RAI14: variants seen among roughly 807,000 people sequenced by gnomAD.
The protein encoded by RAI14 is ankycorbin.
RAI14 carries 45 observed loss-of-function variants against 115.4 expected under a neutral mutation model. That is an observed-to-expected ratio of 0.39 (90% CI 0.31 to 0.50). The LOEUF is 0.50. RAI14 is among the 20% of genes least tolerant of loss of function. The pLI is 0.85. For missense variants in RAI14, 939 were observed against 1,131.2 expected (o/e 0.83, Z 2.44); for synonymous variants, 371 against 415.4 (o/e 0.89, Z 1.30).
At position 34,813,638 on chromosome 5, in the gene RAI14, C is replaced by G; in HGVS notation, c.830C>G (p.Pro277Arg). The G allele has an allele frequency of 5.0e-6, 8 of 1,612,498 alleles. No homozygotes were observed. Among genetic ancestry groups the G allele is most frequent in the Non-Finnish European group, 6.8e-6 (8 of 1,178,680 alleles). ...ACTCCAAAAAAACGCAAAGCTCCAC[C>G]ACCTCCTATCAGTCCTACCCAGGTA... ...SGTPKKRKAP[P>R]PPISPTQLSD... is the part of the protein sequence containing the mutation. Residue 277 changes from proline (P) to arginine (R), a missense_variant, in exon 11 of 18, where the codon CCA becomes CGA. Physicochemically the swap from Pro to Arg is moderately radical, Grantham distance 103. Coordinates refer to ENST00000265109, the MANE Select transcript of RAI14 (RefSeq NM_015577.3).
chr5:34,808,010 A>G (rs1053689846), intron 6 of RAI14, among the ~76,000 whole-genome samples, 153 bp downstream of exon 6: 1 of 152,216 alleles, frequency 6.6e-6, no homozygotes, highest in Non-Finnish European at 1.5e-5. Flanking sequence ...TGTAAAACAT[A>G]CACAGTTTTA....
At chr5:34,687,510 A>C (rs1321628732) in intron 2 of RAI14, 2 of 1,339,684 alleles carry the variant, frequency 1.5e-6, no homozygotes, top group African/African-American at 1.5e-5. Context: ...GATTGGAGGA[A>C]GCAGTTATGA....
chr5:34,661,582 T>C (rs1489271011), intron 1 of RAI14, among the ~76,000 whole-genome samples: 2 of 152,210 alleles, frequency 1.3e-5, no homozygotes, highest in African/African-American at 4.8e-5. Flanking sequence ...TAAATCTATG[T>C]GATTTATCCT....
chr5:34,740,698 G>T (rs191263395), intron 2 of RAI14, among the ~76,000 whole-genome samples: 2 of 152,310 alleles, frequency 1.3e-5, no homozygotes, highest in Admixed American at 1.3e-4. Flanking sequence ...GCCCAGACCA[G>T]ACTGATACTG....
At chr5:34,705,104 A>G (rs1463733509) in intron 2 of RAI14, among the ~76,000 whole-genome samples, 3 of 152,080 alleles carry the variant, frequency 2.0e-5, no homozygotes, top group African/African-American at 7.2e-5. Context: ...AATTTTATTT[A>G]TTTTCATAAA....
intron 1 of RAI14, among the ~76,000 whole-genome samples, chr5:34,681,551 G>A (rs904907723): frequency 2.6e-5 from 4 of 152,136 alleles, no homozygotes; most frequent in Non-Finnish European, 5.9e-5. Context: ...CTGAAGTGCA[G>A]TAGCATGATC....
chr5:34,826,622 C>A lies in RAI14; in HGVS notation c.2799+143C>A, dbSNP rs1001864064. 4 of 1,136,858 alleles carry A rather than the reference C, an allele frequency of 3.5e-6. No individual in the cohort carries two copies. The African/African-American group carries it at 6.3e-5, about 18-fold the overall frequency. The allele number at this position is 1,136,858 out of a possible 1,614,324, so 70.4% of individuals were successfully genotyped here. A position where few individuals can be genotyped will look rare whatever the true frequency, so the allele number is the denominator to read the frequency against. On this transcript the variant is annotated intron_variant, in intron 16 of 17. Transcript: ENST00000265109. Reference sequence around the variant, plus strand: ...ACTTCAATGAGCAGTTGACTGATTTCTTCAGTGAGGGCAAAAGAGGGAGCC... The same window carrying A: ...ACTTCAATGAGCAGTTGACTGATTTATTCAGTGAGGGCAAAAGAGGGAGCC...
chr5:34,787,938 C>T (rs140523909), intron 3 of RAI14, among the ~76,000 whole-genome samples: 1,401 of 26,808 alleles, frequency 0.052, 47 homozygotes, highest in African/African-American at 0.12. Context: ...TTTTTTGAGA[C>T]AGGGTCTCAC....
chr5:34,745,470 G>C (rs1746040688), intron 2 of RAI14, among the ~76,000 whole-genome samples: 1 of 152,068 alleles, frequency 6.6e-6, no homozygotes, highest in Non-Finnish European at 1.5e-5. Flanking sequence ...TCACATCAAT[G>C]ACCCATCCAA....
intron 1 of RAI14, chr5:34,684,456 G>A (rs1011647627): frequency 3.3e-5 from 5 of 152,328 alleles, no homozygotes; most frequent in African/African-American, 1.2e-4. Context: ...GTGACTAAAT[G>A]CTTGGCAGTT....
At chr5:34,719,098 C>T (rs1437617657) in intron 2 of RAI14, among the ~76,000 whole-genome samples, 4 of 152,306 alleles carry the variant, frequency 2.6e-5, no homozygotes, top group Admixed American at 2.6e-4. Context: ...ACAACAGGGA[C>T]AGCTCGTCTC....
At chr5:34,709,055 A>G (rs977048393) in intron 2 of RAI14, among the ~76,000 whole-genome samples, 1 of 150,930 alleles carries the variant, frequency 6.6e-6, no homozygotes, top group African/African-American at 2.4e-5. Flanking sequence ...GCTTGAGCCC[A>G]GGAATTTGAG....
intron 1 of RAI14, among the ~76,000 whole-genome samples, chr5:34,684,100 T>TG (rs1046845561): frequency 1.8e-4 from 28 of 152,246 alleles, no homozygotes; most frequent in Admixed American, 1.4e-3. Flanking sequence ...CAGCGACAGT[T>TG]GGGGAATATC....
chr5:34,660,633 A>G lies in RAI14; in HGVS notation c.-49+4158A>G, dbSNP rs565964301. Among the ~76,000 whole-genome samples the G allele has an allele frequency of 3.9e-5, 6 of 152,302 alleles. No individual in the cohort carries two copies. The East Asian group carries it at 1.2e-3, about 29-fold the overall frequency. On this transcript the variant is annotated intron_variant, in intron 1 of 17. Coordinates refer to ENST00000265109, the MANE Select transcript of RAI14 (RefSeq NM_015577.3). ...AAGGGGTAGGAGTAAGCATTTACAA[A>G]GGCACATTCCTGTTCTAAGAGTCTG...
At chr5:34,712,642 C>T (rs1487072511) in intron 2 of RAI14, among the ~76,000 whole-genome samples, 1 of 152,136 alleles carries the variant, frequency 6.6e-6, no homozygotes, top group Admixed American at 6.5e-5. Context: ...TTACTGAGCA[C>T]TGAGTTATAT....
At chr5:34,660,153 G>A (rs1742581756) in intron 1 of RAI14, among the ~76,000 whole-genome samples, 1 of 152,118 alleles carries the variant, frequency 6.6e-6, no homozygotes, top group South Asian at 2.1e-4. Flanking sequence ...TGCAGCCTGG[G>A]CGACAGAGTG....
In RAI14 at chr5:34,796,151, C is replaced by G. The variant is rs971552878; in HGVS notation, c.256+124C>G. 5.5e-6 allele frequency: 4 copies of G among 720,796 alleles called. No homozygotes were observed. The East Asian group carries it at 1.0e-4, about 19-fold the overall frequency. The allele number at this position is 720,796 out of a possible 1,614,324, so 44.7% of individuals were successfully genotyped here. On this transcript the variant is annotated intron_variant, in intron 4 of 17. Coordinates refer to ENST00000265109, the MANE Select transcript of RAI14 (RefSeq NM_015577.3). Reference sequence around the variant, plus strand: ...TAACTCATCCTGTAATTACAGCACTCTGCGAGGGTGAGGTGTGTGGATCAC... The same window carrying G: ...TAACTCATCCTGTAATTACAGCACTGTGCGAGGGTGAGGTGTGTGGATCAC...
intron 2 of RAI14, among the ~76,000 whole-genome samples, chr5:34,722,751 C>T (rs1742936841): frequency 6.7e-6 from 1 of 150,260 alleles, no homozygotes; most frequent in Admixed American, 6.7e-5. Flanking sequence ...GGGGCTGAGG[C>T]AGGAGAATCA....
intron 5 of RAI14, among the ~76,000 whole-genome samples, chr5:34,807,250 A>G (rs1755015823): frequency 6.6e-6 from 1 of 152,110 alleles, no homozygotes; most frequent in Non-Finnish European, 1.5e-5. Flanking sequence ...AAAGCAGAAT[A>G]AGATGAGCCA....
Sources: gnomAD v4.1 joint callset for allele counts (sites outside exome capture counted in the v4.1 genomes callset) on GRCh38, gnomAD v4.1.1 for gene constraint, MANE v1.5 for transcripts, NCBI Gene and HGNC (gene_info 2026-07-23, HGNC 2026-07-21) for gene names.